Variants in HHAT observed in about 807,000 individuals in gnomAD.
HHAT encodes the protein protein-cysteine N-palmitoyltransferase HHAT.
Under a neutral mutation model 70.8 loss-of-function variants are expected in HHAT, and 47 were observed. The observed-to-expected ratio is 0.66, with a 90% confidence interval of 0.53 to 0.85. The LOEUF is 0.85. HHAT is among the 40% of genes least tolerant of loss of function. HHAT has a pLI of 0.00. For missense variants in HHAT, 609 were observed against 604.8 expected (o/e 1.01, Z -0.07); for synonymous variants, 228 against 247.6 (o/e 0.92, Z 0.74).
At chr1:210,587,435 G>A (rs1027505220) in intron 9 of HHAT, among the ~76,000 whole-genome samples, 1 of 152,100 alleles carries the variant, frequency 6.6e-6, no homozygotes, top group Admixed American at 6.5e-5. Context: ...ATTACCTCGC[G>A]CTGGGTCCCT....
intron 8 of HHAT, among the ~76,000 whole-genome samples, chr1:210,504,933 C>T (rs566594129): frequency 5.3e-5 from 7 of 132,078 alleles, no homozygotes; most frequent in East Asian, 4.4e-4. Flanking sequence ...GACGGAGTCT[C>T]GCTCTGTTGC....
At chr1:210,665,132 A>G (rs1333302101) in intron 11 of HHAT, among the ~76,000 whole-genome samples, 1 of 152,242 alleles carries the variant, frequency 6.6e-6, no homozygotes, top group Non-Finnish European at 1.5e-5. Context: ...TTACATGTGC[A>G]TAGTGCACCC....
chr1:210,536,089 G>A (rs2095369301), intron 9 of HHAT, among the ~76,000 whole-genome samples: 2 of 152,136 alleles, frequency 1.3e-5, no homozygotes, highest in African/African-American at 4.8e-5. Context: ...TCAATGTGGT[G>A]GAATTCCTTT....
At chr1:210,353,697 C>T (rs2087299354) in intron 2 of HHAT, among the ~76,000 whole-genome samples, 1 of 151,908 alleles carries the variant, frequency 6.6e-6, no homozygotes, top group South Asian at 2.1e-4. Context: ...CCCTTCATTT[C>T]CTCTTTCCAC....
At chr1:210,332,182 C>T (rs867411840) in intron 1 of HHAT, among the ~76,000 whole-genome samples, 10 of 152,186 alleles carry the variant, frequency 6.6e-5, no homozygotes, top group African/African-American at 1.9e-4. Context: ...CTCTTTGGCC[C>T]GAGTAGTGAA....
intron 8 of HHAT, among the ~76,000 whole-genome samples, chr1:210,501,768 T>C (rs1373542173): frequency 2.0e-5 from 3 of 152,182 alleles, no homozygotes; most frequent in Non-Finnish European, 4.4e-5. Flanking sequence ...CATAGGCATT[T>C]CACCTCTGAG....
At chr1:210,576,639 A>G (rs1474223335) in intron 9 of HHAT, among the ~76,000 whole-genome samples, 3 of 152,198 alleles carry the variant, frequency 2.0e-5, no homozygotes, top group Admixed American at 2.0e-4. Flanking sequence ...CACGTTGTGC[A>G]CATGTACCCT....
intron 9 of HHAT, among the ~76,000 whole-genome samples, chr1:210,545,820 C>T (rs150233991): frequency 4.5e-4 from 68 of 152,256 alleles, no homozygotes; most frequent in Middle Eastern, 3.4e-3. Context: ...TTTTATCTCT[C>T]CAGAGCCTCA....
intron 9 of HHAT, among the ~76,000 whole-genome samples, chr1:210,529,318 G>GAA (rs10584556): frequency 1.7e-5 from 2 of 118,764 alleles, no homozygotes; most frequent in African/African-American, 3.3e-5. Context: ...AAAAACAAAG[G>GAA]AAAAAAAAAA....
At chr1:210,359,821 C>T (rs1008777159) in intron 2 of HHAT, among the ~76,000 whole-genome samples, 11 of 151,832 alleles carry the variant, frequency 7.2e-5, no homozygotes, top group Non-Finnish European at 1.5e-4. Context: ...GAGCCAAGAT[C>T]GCACCACTGT....
chr1:210,329,489 A>G (rs971933890), intron 1 of HHAT: 1 of 1,015,538 alleles, frequency 9.8e-7, no homozygotes, highest in Non-Finnish European at 1.2e-6. Context: ...CTAAAGTTAG[A>G]GACTTCCTTT....
chr1:210,671,549 C>G (rs1680084121), intron 11 of HHAT, among the ~76,000 whole-genome samples: 1 of 152,172 alleles, frequency 6.6e-6, no homozygotes, highest in South Asian at 2.1e-4. Context: ...AGGAAATCCT[C>G]CTGGATTTGG....
chr1:210,468,591 T>A (rs966925265), intron 8 of HHAT, among the ~76,000 whole-genome samples: 1 of 152,138 alleles, frequency 6.6e-6, no homozygotes, highest in Non-Finnish European at 1.5e-5. Context: ...AGTGAGGCAT[T>A]GATTGCATGG....
intron 10 of HHAT, among the ~76,000 whole-genome samples, chr1:210,595,213 G>A (rs1470710620): frequency 6.6e-6 from 1 of 152,114 alleles, no homozygotes; most frequent in Admixed American, 6.5e-5. Context: ...AGAACAAGCG[G>A]TGTGTGGTTT....
At chr1:210,392,768 G>A (rs577450807) in intron 4 of HHAT, among the ~76,000 whole-genome samples, 1 of 152,060 alleles carries the variant, frequency 6.6e-6, no homozygotes, top group African/African-American at 2.4e-5. Context: ...CTATCCTTAG[G>A]TCTAGCCTAC....
intron 9 of HHAT, among the ~76,000 whole-genome samples, chr1:210,560,494 A>G (rs2095611369): frequency 6.6e-6 from 1 of 152,032 alleles, no homozygotes; most frequent in Non-Finnish European, 1.5e-5. Context: ...AACCTTGTAA[A>G]GGGATGACAG....
rs1364436954 is a variant in HHAT at position 210,418,309 on chromosome 1, C to A, written c.840C>A (p.Val280=). The A allele has an allele frequency of 3.1e-6, 5 of 1,596,702 alleles. No homozygotes were observed. Among genetic ancestry groups the A allele is most frequent in the Middle Eastern group, 1.7e-4 (1 of 5,970 alleles). The change falls in exon 7 of 12, where the codon GTC becomes GTA. Residue 280 remains valine, a synonymous_variant. Transcript: ENST00000261458. ...GCAGCATCCCCCTCCTGGAGACTGTCTCTTGTTGGACCTTAGGTAATTGTG... is the reference window on the plus strand; with the variant it reads ...GCAGCATCCCCCTCCTGGAGACTGTATCTTGTTGGACCTTAGGTAATTGTG... ...IYSSIPLLET[V]SCWTLGGLAL...
chr1:210,329,430 T>A, intron 1 of HHAT: 1 of 1,091,290 alleles, frequency 9.2e-7, no homozygotes, highest in East Asian at 5.4e-5. Flanking sequence ...TCTGGTCCTC[T>A]TGGCAGTATC....
chr1:210,353,787 T>C (rs1268591273), intron 2 of HHAT, among the ~76,000 whole-genome samples: 2 of 152,156 alleles, frequency 1.3e-5, no homozygotes, highest in East Asian at 3.8e-4. Flanking sequence ...TTGGCTTTAT[T>C]TTCTCAGTTG....
Sources: gnomAD v4.1 joint callset for allele counts (sites outside exome capture counted in the v4.1 genomes callset) on GRCh38, gnomAD v4.1.1 for gene constraint, MANE v1.5 for transcripts, NCBI Gene and HGNC (gene_info 2026-07-23, HGNC 2026-07-21) for gene names.